The following GDAP1L1 variants were observed in gnomAD, a reference collection of about 807,000 sequenced individuals.
GDAP1L1 encodes ganglioside-induced differentiation-associated protein 1-like 1.
GDAP1L1 carries 21 observed loss-of-function variants against 37.1 expected under a neutral mutation model. The observed-to-expected ratio is 0.57, with a 90% CI of 0.40 to 0.81. The LOEUF is 0.81. Among genes scored for constraint, GDAP1L1 ranks in the 40% least tolerant of loss-of-function variants. The pLI is 0.00. For missense variants in GDAP1L1, 362 were observed against 491.6 expected, an observed-to-expected ratio of 0.74 and a Z score of 2.49; for synonymous variants, 193 against 209.1, an observed-to-expected ratio of 0.92 and a Z score of 0.67.
At position 44,248,455 on chromosome 20, in the gene GDAP1L1, C is replaced by G. The variant is rs530267940; in HGVS notation, c.180+941C>G. 3.3e-5 allele frequency among the ~76,000 whole-genome samples: 5 copies of G among 152,360 alleles called. No individual in the cohort carries two copies. In the South Asian group the frequency reaches 1.0e-3, roughly 32 times the overall value. On this transcript the variant is annotated intron_variant, in intron 1 of 5. Coordinates refer to ENST00000342560, the MANE Select transcript of GDAP1L1 (RefSeq NM_024034.6). ...GGAAGATCCTTTTGTTCCATTCGTT[C>G]ATTTTCCAGATGGAAAAACAGAATC...
At chr20:44,259,722 C>T (rs2073638412) in intron 3 of GDAP1L1, among the ~76,000 whole-genome samples, 2 of 152,094 alleles carry the variant, frequency 1.3e-5, no homozygotes, top group African/African-American at 4.8e-5. Context: ...GTCTTGAACT[C>T]CTGACCTCAG....
intron 5 of GDAP1L1, among the ~76,000 whole-genome samples, chr20:44,275,542 G>T (rs1404378157): frequency 1.3e-5 from 2 of 152,190 alleles, no homozygotes; most frequent in African/African-American, 4.8e-5. Flanking sequence ...TTCCGGGCAT[G>T]GGGTACAGCA....
intron 3 of GDAP1L1, among the ~76,000 whole-genome samples, chr20:44,259,007 A>G (rs2073621441): frequency 6.6e-6 from 1 of 150,748 alleles, no homozygotes; most frequent in Non-Finnish European, 1.5e-5. Context: ...TGTCCCCACA[A>G]GGTTTGTTCT....
At chr20:44,270,131 C>T (rs886802093) in intron 5 of GDAP1L1, among the ~76,000 whole-genome samples, 1 of 150,624 alleles carries the variant, frequency 6.6e-6, no homozygotes, top group Admixed American at 6.6e-5. Flanking sequence ...ATCTGTGTGG[C>T]ATAAGAAACT....
chr20:44,276,706 AT>A (rs2146062001), intron 5 of GDAP1L1, among the ~76,000 whole-genome samples: 1 of 144,004 alleles, frequency 6.9e-6, no homozygotes, highest in African/African-American at 2.7e-5. Flanking sequence ...TTGAGCACCT[AT>A]TGTATGCCAG....
intron 2 of GDAP1L1, among the ~76,000 whole-genome samples, chr20:44,257,971 C>T (rs368880118): frequency 2.6e-5 from 4 of 152,302 alleles, no homozygotes; most frequent in South Asian, 4.1e-4. Context: ...CCCAGAACCT[C>T]GCAGAGACCC....
In GDAP1L1 at chr20:44,277,673, ACT is replaced by A. The variant is rs201566774; in HGVS notation, c.761-1281_761-1280del. 5.4e-3 allele frequency among the ~76,000 whole-genome samples: 827 copies of A among 152,190 alleles called. 8 individuals are homozygous for A. The highest frequency in any genetic ancestry group is 0.019 in the African/African-American group (786 of 41,512). ...ACTTTGGCTGCTGTGCTAAGAATAG[ACT>A]CTAGGGGACAAGGGCAGAAACAGGG... On this transcript the variant is annotated intron_variant, in intron 5 of 5. Coordinates refer to ENST00000342560, the MANE Select transcript of GDAP1L1 (RefSeq NM_024034.6).
chr20:44,264,521 T>A lies in GDAP1L1; in HGVS notation c.722T>A (p.Ile241Asn). Residue 241 changes from isoleucine (I) to asparagine (N), a missense_variant, in exon 5 of 6, where the codon ATT becomes AAT. Ile to Asn is a moderately radical substitution (Grantham distance 149). Around this residue, in one of 2 missense-constraint regions of GDAP1L1, gnomAD observed 277 missense variants for 337.1 expected, o/e 0.82. Transcript: ENST00000342560. ...GAACTGGCCATGGTGCTGGACCAGA[T>A]TGAGGCGGAGCTGGAGAAGAGGAAG... The part of the protein sequence containing the change: ...LGELAMVLDQ[I>N]EAELEKRKLE... 2 of 1,603,500 alleles carry A rather than the reference T, an allele frequency of 1.2e-6. No homozygotes were observed. The highest frequency in any genetic ancestry group is 1.1e-5 in the South Asian group (1 of 89,734).
At chr20:44,267,976 GC>G (rs919361758) in intron 5 of GDAP1L1, among the ~76,000 whole-genome samples, 2 of 152,212 alleles carry the variant, frequency 1.3e-5, no homozygotes, top group Non-Finnish European at 2.9e-5. Context: ...TCCCTCTGGG[GC>G]TGGGGGAGGT....
intron 5 of GDAP1L1, among the ~76,000 whole-genome samples, chr20:44,272,495 T>C (rs900523735): frequency 6.6e-6 from 1 of 152,174 alleles, no homozygotes; most frequent in Admixed American, 6.5e-5. Context: ...AATAGGACCC[T>C]GGGCAGCACG....
intron 5 of GDAP1L1, among the ~76,000 whole-genome samples, chr20:44,267,319 AG>A (rs2062463603): frequency 6.6e-6 from 1 of 152,176 alleles, no homozygotes; most frequent in Non-Finnish European, 1.5e-5. Context: ...GTTCTATAAA[AG>A]GGTGATAGGT....
At chr20:44,264,628 A>C in intron 5 of GDAP1L1, 69 bp downstream of exon 5, 2 of 1,561,344 alleles carry the variant, frequency 1.3e-6, no homozygotes, top group South Asian at 1.2e-5. Context: ...GCCCAGTCTC[A>C]GCCTCTTTTT....
chr20:44,275,465 C>A (rs1247380622), intron 5 of GDAP1L1, among the ~76,000 whole-genome samples: 1 of 152,050 alleles, frequency 6.6e-6, no homozygotes. Flanking sequence ...ACAACCTGTT[C>A]AAAGGTGCGG....
chr20:44,258,370 G>T, intron 2 of GDAP1L1, 64 bp from the exon 3 acceptor site: 1 of 1,486,822 alleles, frequency 6.7e-7, no homozygotes, highest in Non-Finnish European at 9.2e-7. Context: ...AGGGATGCCG[G>T]GGGCAGGTGG....
intron 5 of GDAP1L1, among the ~76,000 whole-genome samples, chr20:44,276,429 A>AAAGAAAGAAAGG (rs1343262885): frequency 1.4e-5 from 2 of 141,240 alleles, no homozygotes; most frequent in African/African-American, 5.3e-5. Flanking sequence ...AGAAAGAAAG[A>AAAGAAAGAAAGG]AAGAAAGAAA....
intron 1 of GDAP1L1, among the ~76,000 whole-genome samples, chr20:44,247,730 A>G (rs1404950914): frequency 7.6e-6 from 1 of 131,608 alleles, no homozygotes; most frequent in African/African-American, 2.9e-5. Context: ...TCTCAATTTT[A>G]GGAGCATCCA....
In GDAP1L1 at chr20:44,250,366, G is replaced by A. The variant is rs571970363; in HGVS notation, c.180+2852G>A. On this transcript the variant is annotated intron_variant, in intron 1 of 5. Transcript: ENST00000342560. ...CCTGTAAATTGAGAATATTAATGGT[G>A]CCTCCCCAACAGGGTCGTTGTAAGG... Among the ~76,000 whole-genome samples the A allele has an allele frequency of 6.6e-5, 10 of 152,304 alleles. No homozygotes were observed. The South Asian group carries it at 2.1e-3, about 32-fold the overall frequency.
At chr20:44,270,697 G>A (rs1371419818) in intron 5 of GDAP1L1, among the ~76,000 whole-genome samples, 1 of 152,216 alleles carries the variant, frequency 6.6e-6, no homozygotes, top group Non-Finnish European at 1.5e-5. Context: ...CCTGCTGGCT[G>A]TCGGCAGGAG....
Position 44,265,188 on chromosome 20 carries a change from C to G in GDAP1L1, c.760+629C>G, listed in dbSNP as rs978253569. 3.0e-6 allele frequency: 3 copies of G among 985,308 alleles called. No homozygotes were observed. In the African/African-American group the frequency reaches 5.2e-5, roughly 17 times the overall value. 61.0% of individuals were successfully genotyped at this position (985,308 alleles called of 1,614,324 possible). On this transcript the variant is annotated intron_variant, in intron 5 of 5. Coordinates refer to ENST00000342560, the MANE Select transcript of GDAP1L1 (RefSeq NM_024034.6). ...AGCCAGACATCCAAGCTCACCCAGA[C>G]TCTCGTTGACCTTGACTCTTCCTGC...
Sources: allele counts gnomAD v4.1 joint callset (sites outside exome capture counted in the v4.1 genomes callset), GRCh38; gene constraint gnomAD v4.1.1; regional missense constraint gnomAD v4.1.1; transcripts MANE v1.5; gene names NCBI Gene and HGNC (gene_info 2026-07-23, HGNC 2026-07-21).